ANKRD55: variants seen among roughly 807,000 people sequenced by gnomAD.
The protein encoded by ANKRD55 is ankyrin repeat domain-containing protein 55.
ANKRD55 carries 41 observed loss-of-function variants against 60.6 expected under a neutral mutation model. The observed-to-expected ratio is 0.68, with a 90% CI of 0.53 to 0.88. The LOEUF is 0.88. Ranked by LOEUF, ANKRD55 falls within the 40% of genes least tolerant of loss-of-function variation. ANKRD55 has a pLI of 0.00. For synonymous variants in ANKRD55, 264 were observed against 290.3 expected (o/e 0.91, Z 0.92); for missense variants, 732 against 767.6 (o/e 0.95, Z 0.55).
At chr5:56,187,095 T>C (rs1388340447) in intron 2 of ANKRD55, among the ~76,000 whole-genome samples, 2 of 152,226 alleles carry the variant, frequency 1.3e-5, no homozygotes, top group Admixed American at 6.5e-5. Flanking sequence ...GATAGAATTA[T>C]GATCCCCAAA....
At chr5:56,229,461 G>A (rs1057351880) in intron 2 of ANKRD55, among the ~76,000 whole-genome samples, 4 of 152,098 alleles carry the variant, frequency 2.6e-5, no homozygotes, top group Admixed American at 6.5e-5. Flanking sequence ...TGATCTGATC[G>A]TTGGGCCTTC....
chr5:56,190,548 C>T (rs943714008), intron 2 of ANKRD55, among the ~76,000 whole-genome samples: 5 of 152,138 alleles, frequency 3.3e-5, no homozygotes, highest in African/African-American at 1.2e-4. Context: ...ACATGGCTAT[C>T]CTGTTTTTCC....
chr5:56,139,085 C>CG (rs70995775), intron 7 of ANKRD55, among the ~76,000 whole-genome samples: 30,343 of 89,416 alleles, frequency 0.34, 3,392 homozygotes, highest in South Asian at 0.45. Context: ...GTCAGTGGGG[C>CG]GGGGGGGCAG....
In ANKRD55 at chr5:56,123,484, T is replaced by C. The variant is rs1757141461; in HGVS notation, c.797+3438A>G. Among the ~76,000 whole-genome samples the C allele has an allele frequency of 2.0e-5, 3 of 152,290 alleles. No individual in the cohort carries two copies. In the South Asian group the frequency reaches 6.2e-4, roughly 32 times the overall value. Reference sequence around the variant, plus strand: ...ATCAATCACACTGCATATTTGAATGTGGCAGATGTGATTAGTTCCATTCTA... The same window carrying C: ...ATCAATCACACTGCATATTTGAATGCGGCAGATGTGATTAGTTCCATTCTA... On this transcript the variant is annotated intron_variant, in intron 8 of 11. Transcript: ENST00000341048.
intron 6 of ANKRD55, among the ~76,000 whole-genome samples, 159 bp downstream of exon 6, chr5:56,159,674 G>A (rs1580990828): frequency 6.6e-6 from 1 of 152,196 alleles, no homozygotes; most frequent in African/African-American, 2.4e-5. Flanking sequence ...TTCTGCTGAG[G>A]ATTAATAGTG....
chr5:56,130,590 A>G (rs983169543), intron 7 of ANKRD55, among the ~76,000 whole-genome samples: 2 of 152,248 alleles, frequency 1.3e-5, no homozygotes, highest in South Asian at 4.1e-4. Context: ...GGCTATCGAG[A>G]AAAAATTATA....
At chr5:56,139,559 C>T (rs1757698007) in intron 7 of ANKRD55, among the ~76,000 whole-genome samples, 2 of 152,238 alleles carry the variant, frequency 1.3e-5, no homozygotes, top group African/African-American at 4.8e-5. Context: ...AAGCATTTTA[C>T]CCAAATGGAA....
rs1049958972 is a variant in ANKRD55, at chr5:56,209,255, C to T, written c.58+23601G>A. ...TACAGGCATGAGCCATCGCTGCTGA[C>T]CACTTAATATTAGATTATAAACATT... On this transcript the variant is annotated intron_variant, in intron 2 of 11. Coordinates refer to ENST00000341048, the MANE Select transcript of ANKRD55 (RefSeq NM_024669.3). 3.3e-5 allele frequency among the ~76,000 whole-genome samples: 5 copies of T among 152,112 alleles called. No individual in the cohort carries two copies. In the South Asian group the frequency reaches 6.2e-4, roughly 19 times the overall value.
chr5:56,222,261 C>T (rs1425619763), intron 2 of ANKRD55, among the ~76,000 whole-genome samples: 1 of 152,168 alleles, frequency 6.6e-6, no homozygotes, highest in Non-Finnish European at 1.5e-5. Context: ...CCAGCAAACA[C>T]CAACAGACCT....
chr5:56,119,410 G>C (rs1258062778), intron 8 of ANKRD55, among the ~76,000 whole-genome samples: 1 of 152,346 alleles, frequency 6.6e-6, no homozygotes, highest in Non-Finnish European at 1.5e-5. Context: ...TAACTATTGA[G>C]TGGTTGCCAG....
chr5:56,138,216 C>T (rs568539290), intron 7 of ANKRD55, among the ~76,000 whole-genome samples: 7 of 151,584 alleles, frequency 4.6e-5, no homozygotes, highest in Admixed American at 1.3e-4. Flanking sequence ...CAACCTCTGC[C>T]TCCCAGGTTC....
Position 56,143,937 on chromosome 5 carries a change from A to G in ANKRD55, c.484-8T>C. 1 of 1,613,744 alleles carries G rather than the reference A, an allele frequency of 6.2e-7. No individual in the cohort carries two copies. Among genetic ancestry groups the G allele is most frequent in the Non-Finnish European group, 8.5e-7 (1 of 1,180,036 alleles). On this transcript the variant is annotated splice_polypyrimidine_tract_variant and splice_region_variant and intron_variant, in intron 6 of 11. Transcript: ENST00000341048. ...GTGGAGTGGTGTCATTCCCTGCAAA[A>G]CAACAGTCAGAGAGGACAGAGATGA...
At chr5:56,213,389 G>T (rs1229951746) in intron 2 of ANKRD55, among the ~76,000 whole-genome samples, 3 of 152,052 alleles carry the variant, frequency 2.0e-5, no homozygotes, top group Admixed American at 2.0e-4. Flanking sequence ...ACCACTGAAG[G>T]TAGGAGCGGG....
chr5:56,183,366 T>C, intron 3 of ANKRD55, 146 bp downstream of exon 3: 1 of 1,051,432 alleles, frequency 9.5e-7, no homozygotes, highest in Non-Finnish European at 1.3e-6. Context: ...ATGACTTCAT[T>C]ATAAGAGGCG....
At chr5:56,112,512 A>AAAAC (rs1323413758) in intron 9 of ANKRD55, among the ~76,000 whole-genome samples, 1 of 111,442 alleles carries the variant, frequency 9.0e-6, no homozygotes, top group African/African-American at 4.2e-5. Flanking sequence ...AGCAAAAAAA[A>AAAAC]AAAAAAAAAA....
intron 6 of ANKRD55, among the ~76,000 whole-genome samples, chr5:56,148,078 T>C (rs1192887347): frequency 6.6e-6 from 1 of 152,262 alleles, no homozygotes; most frequent in Non-Finnish European, 1.5e-5. Flanking sequence ...GTATGCTCCC[T>C]GCACTGAGCA....
At chr5:56,115,277 G>A (rs1351099542) in intron 9 of ANKRD55, among the ~76,000 whole-genome samples, 11 of 150,370 alleles carry the variant, frequency 7.3e-5, no homozygotes, top group Admixed American at 4.0e-4. Context: ...ACATTACATC[G>A]CAACAGAGAG....
Position 56,164,490 on chromosome 5 carries a change from T to C in ANKRD55, c.423-4597A>G, listed in dbSNP as rs555451231. On this transcript the variant is annotated intron_variant, in intron 5 of 11. Coordinates refer to ENST00000341048, the MANE Select transcript of ANKRD55 (RefSeq NM_024669.3). ...TCCTCCCTTGGGCTGCAGTCAAGAG[T>C]GATGAAAAGAGGCAGAGTGGCTGGC... 1.9e-3 allele frequency among the ~76,000 whole-genome samples: 280 copies of C among 150,856 alleles called. 1 individual carries two copies. Among genetic ancestry groups the C allele is most frequent in the African/African-American group, 5.1e-3 (210 of 41,016 alleles).
chr5:56,176,874 T>C (rs890331053), intron 3 of ANKRD55, among the ~76,000 whole-genome samples: 3 of 152,236 alleles, frequency 2.0e-5, no homozygotes, highest in African/African-American at 7.2e-5. Flanking sequence ...TGCAGGGCTG[T>C]TGGAACAAGC....
Sources: gnomAD v4.1 joint callset for allele counts (sites outside exome capture counted in the v4.1 genomes callset) on GRCh38, gnomAD v4.1.1 for gene constraint, MANE v1.5 for transcripts, NCBI Gene and HGNC (gene_info 2026-07-23, HGNC 2026-07-21) for gene names.